Variants in MAN2A1 observed in about 807,000 individuals in gnomAD.
MAN2A1 encodes the protein alpha-mannosidase 2.
Under a neutral mutation model 142.6 loss-of-function variants are expected in MAN2A1, and 76 were observed. The observed-to-expected ratio is 0.53, with a 90% confidence interval of 0.44 to 0.65. MAN2A1 has a LOEUF of 0.65. Ranked by LOEUF, MAN2A1 falls within the 30% of genes least tolerant of loss-of-function variation. MAN2A1 has a pLI of 0.00. For missense variants in MAN2A1, 1,311 were observed against 1,365.1 expected (o/e 0.96, Z 0.62); for synonymous variants, 559 against 473.2 (o/e 1.18, Z -2.35).
intron 16 of MAN2A1, among the ~76,000 whole-genome samples, chr5:109,831,539 T>A (rs1754906362): frequency 6.6e-6 from 1 of 152,228 alleles, no homozygotes; most frequent in African/African-American, 2.4e-5. Flanking sequence ...TCTTTATACA[T>A]TTAAATAATT....
At chr5:109,818,120 T>A (rs556591001) in intron 13 of MAN2A1, among the ~76,000 whole-genome samples, 1 of 152,226 alleles carries the variant, frequency 6.6e-6, no homozygotes, top group South Asian at 2.1e-4. Flanking sequence ...TGACAGAAGC[T>A]ATTGCTAGCT....
chr5:109,855,148 AAAG>A lies in MAN2A1; in HGVS notation c.2989_2991del (p.Lys997del), dbSNP rs1755572970. ...TTGTTTTTTCTTGATAGGAAGAAGA[AAAG>A]AAGTCGGTCAGTTATCCTTCTCTCC... is the stretch of plus-strand genomic sequence containing the variant. On this transcript the variant is annotated inframe_deletion, in exon 20 of 22. Transcript: ENST00000261483. 6.5e-7 allele frequency: 1 copy of A among 1,541,252 alleles called. No homozygotes were observed. Among genetic ancestry groups the A allele is most frequent in the Non-Finnish European group, 8.7e-7 (1 of 1,151,888 alleles).
intron 5 of MAN2A1, among the ~76,000 whole-genome samples, chr5:109,761,404 T>G (rs575999552): frequency 2.0e-5 from 3 of 152,082 alleles, no homozygotes; most frequent in South Asian, 4.1e-4. Context: ...TATTTTCTTC[T>G]TAGTATTTTT....
At chr5:109,744,363 G>C (rs953685766) in intron 4 of MAN2A1, among the ~76,000 whole-genome samples, 3 of 152,122 alleles carry the variant, frequency 2.0e-5, no homozygotes, top group Admixed American at 6.5e-5. Flanking sequence ...CAGTCAAGAA[G>C]TGGGTGTCAG....
chr5:109,830,083 A>C (rs759809), intron 16 of MAN2A1, among the ~76,000 whole-genome samples: 1 of 151,964 alleles, frequency 6.6e-6, no homozygotes, highest in African/African-American at 2.4e-5. Context: ...ATCAAATCCA[A>C]GTCTCACCCT....
chr5:109,789,428 T>G, intron 11 of MAN2A1, 32 bp from the exon 12 acceptor site: 1 of 1,363,406 alleles, frequency 7.3e-7, no homozygotes, highest in Non-Finnish European at 1.0e-6. Flanking sequence ...GAGTGTTAAG[T>G]AAAATTAAAA....
At chr5:109,755,735 C>G (rs1049454309) in intron 5 of MAN2A1, among the ~76,000 whole-genome samples, 1 of 148,986 alleles carries the variant, frequency 6.7e-6, no homozygotes, top group African/African-American at 2.5e-5. Context: ...GACTTGATGA[C>G]AAGAGGCAAA....
chr5:109,818,937 G>A (rs1754544722), intron 13 of MAN2A1, among the ~76,000 whole-genome samples: 1 of 152,124 alleles, frequency 6.6e-6, no homozygotes, highest in Non-Finnish European at 1.5e-5. Context: ...AGGACCCTCT[G>A]GGGATAACAA....
At chr5:109,828,404 G>A (rs868218567) in intron 16 of MAN2A1, among the ~76,000 whole-genome samples, 18 of 152,152 alleles carry the variant, frequency 1.2e-4, no homozygotes, top group African/African-American at 3.4e-4. Context: ...AGAAGCTCCT[G>A]TATCCTCTTG....
At chr5:109,737,443 GA>G (rs1752136621) in intron 4 of MAN2A1, among the ~76,000 whole-genome samples, 2 of 87,882 alleles carry the variant, frequency 2.3e-5, no homozygotes, top group Admixed American at 1.0e-4. Flanking sequence ...AGAGATTTTT[GA>G]ATTTTTTTTT....
chr5:109,745,752 G>T (rs1752385616), intron 4 of MAN2A1, among the ~76,000 whole-genome samples: 1 of 152,094 alleles, frequency 6.6e-6, no homozygotes, highest in Non-Finnish European at 1.5e-5. Context: ...GAGTAGCTAG[G>T]ATCTACAGGT....
intron 20 of MAN2A1, among the ~76,000 whole-genome samples, chr5:109,861,959 A>G (rs1755770092): frequency 1.3e-5 from 2 of 152,194 alleles, no homozygotes. Flanking sequence ...ATTTTCTCGT[A>G]TATTTACATA....
intron 1 of MAN2A1, among the ~76,000 whole-genome samples, chr5:109,710,536 G>T (rs565897571): frequency 6.6e-6 from 1 of 151,108 alleles, no homozygotes; most frequent in South Asian, 2.1e-4. Flanking sequence ...ACGGAGTCTC[G>T]CTTTATCGCC....
At chr5:109,713,440 A>G (rs1037011033) in intron 1 of MAN2A1, 80 bp from the exon 2 acceptor site, 4 of 1,299,748 alleles carry the variant, frequency 3.1e-6, no homozygotes, top group Non-Finnish European at 4.1e-6. Context: ...GCAACCACAT[A>G]ATTTAAAAAA....
rs528631344 is a variant in MAN2A1 at position 109,809,300 on chromosome 5, G to A, written c.1944-7973G>A. 3.2e-3 allele frequency among the ~76,000 whole-genome samples: 492 copies of A among 151,898 alleles called. 2 individuals carry two copies. The highest frequency in any genetic ancestry group is 0.011 in the African/African-American group (469 of 41,450). ...GTTTAATTGAAATTATTACTTTTGT[G>A]TTTTTTTGTGTTGTCATTTATATTT... On this transcript the variant is annotated intron_variant, in intron 12 of 21. Coordinates refer to ENST00000261483, the MANE Select transcript of MAN2A1 (RefSeq NM_002372.4).
intron 12 of MAN2A1, among the ~76,000 whole-genome samples, chr5:109,802,664 C>T (rs1238050377): frequency 6.6e-6 from 1 of 152,130 alleles, no homozygotes; most frequent in Non-Finnish European, 1.5e-5. Context: ...AAATGTCTGT[C>T]TCTTAAGAAA....
rs558102519 is a variant in MAN2A1 at position 109,695,009 on chromosome 5, G to A, written c.135+4457G>A. ...TGTGCTTTTTGGGAAGTGATGGAAC[G>A]TTGATAGTGCATCCAGCATTTAGGA... On this transcript the variant is annotated intron_variant, in intron 1 of 21. Coordinates refer to ENST00000261483, the MANE Select transcript of MAN2A1 (RefSeq NM_002372.4). 2.6e-5 allele frequency among the ~76,000 whole-genome samples: 4 copies of A among 152,268 alleles called. No homozygotes were observed. The East Asian group carries it at 7.7e-4, about 29-fold the overall frequency.
chr5:109,720,995 A>G (rs565425311), intron 3 of MAN2A1, among the ~76,000 whole-genome samples: 35 of 152,222 alleles, frequency 2.3e-4, no homozygotes, highest in East Asian at 5.8e-4. Flanking sequence ...CTAAAATCGT[A>G]TGCGGAACAA....
At chr5:109,822,284 C>T (rs1754646643) in intron 15 of MAN2A1, among the ~76,000 whole-genome samples, 1 of 151,478 alleles carries the variant, frequency 6.6e-6, no homozygotes, top group African/African-American at 2.4e-5. Context: ...TTTTCTCATT[C>T]ACCAGCTTTT....
Sources: gnomAD v4.1 joint callset for allele counts (sites outside exome capture counted in the v4.1 genomes callset) on GRCh38, gnomAD v4.1.1 for gene constraint, MANE v1.5 for transcripts, NCBI Gene and HGNC (gene_info 2026-07-23, HGNC 2026-07-21) for gene names.